TRIML1: variants seen among roughly 807,000 people sequenced by gnomAD.
TRIML1 encodes probable E3 ubiquitin-protein ligase TRIML1.
TRIML1 carries 34 observed loss-of-function variants against 32.3 expected under a neutral mutation model. That is an observed-to-expected ratio of 1.05 (90% CI 0.80 to 1.40). The LOEUF is 1.40. Ranked by LOEUF, TRIML1 falls within the 40% of genes most tolerant of loss-of-function variation. The pLI is 0.00. For missense variants in TRIML1, 595 were observed against 574.9 expected (o/e 1.03, Z -0.36); for synonymous variants, 244 against 226.6 (o/e 1.08, Z -0.69).
chr4:188,143,878 G>A lies in TRIML1; in HGVS notation c.758+18G>A, dbSNP rs1378329824. 4.3e-6 allele frequency: 7 copies of A among 1,614,172 alleles called. No individual in the cohort carries two copies. The highest frequency in any genetic ancestry group is 5.9e-6 in the Non-Finnish European group (7 of 1,180,002). On this transcript the variant is annotated intron_variant, in intron 4 of 5. Coordinates refer to ENST00000332517, the MANE Select transcript of TRIML1 (RefSeq NM_178556.5). Reference sequence around the variant, plus strand: ...CTGGAAAGGTAGGCTTTCATTCTGTGTTCAGTTATGCAAGCTGCGGGGCAG... The same window carrying A: ...CTGGAAAGGTAGGCTTTCATTCTGTATTCAGTTATGCAAGCTGCGGGGCAG...
At chr4:188,149,874 C>T (rs1055465791), downstream of TRIML1, among the ~76,000 whole-genome samples, 7 of 152,252 alleles carry the variant, frequency 4.6e-5, no homozygotes, top group South Asian at 1.5e-3. Context: ...GCCATCTTGG[C>T]TCACCGAAAC....
intron 4 of TRIML1, 26 bp from the exon 5 acceptor site, chr4:188,144,010 G>T: frequency 6.2e-7 from 1 of 1,612,692 alleles, no homozygotes. Context: ...CTGTGCCGAG[G>T]AGTGAACCTC....
chr4:188,142,135 AAG>A, intron 2 of TRIML1, 115 bp from the exon 3 acceptor site: 1 of 700,848 alleles, frequency 1.4e-6, no homozygotes, highest in African/African-American at 1.9e-5. Context: ...AAAAAAAAGA[AAG>A]AAAGAAACTC....
chr4:188,138,532 G>T (rs1382595959), upstream of TRIML1, among the ~76,000 whole-genome samples: 5 of 152,106 alleles, frequency 3.3e-5, no homozygotes, highest in Admixed American at 6.6e-5. Flanking sequence ...CCGAGCAGGG[G>T]ACACAGTGAA....
Position 188,142,333 on chromosome 4 carries a change from C to T in TRIML1, c.586C>T (p.Gln196Ter). 1 of 1,612,750 alleles carries T rather than the reference C, an allele frequency of 6.2e-7. No homozygotes were observed. The highest frequency in any genetic ancestry group is 8.5e-7 in the Non-Finnish European group (1 of 1,179,732). ...HQFLKEEEQL[Q>*]LQLLEQEEKE... ...GTTCCTGAAGGAAGAGGAGCAGCTG[C>T]AACTCCAGCTACTAGAACAGGAAGA... is the stretch of plus-strand genomic sequence containing the variant. Residue 196 changes from glutamine to a stop codon, truncating the protein, a stop_gained, in exon 3 of 6, where the codon CAA becomes TAA. Coordinates refer to ENST00000332517, the MANE Select transcript of TRIML1 (RefSeq NM_178556.5). LOFTEE classifies it high-confidence loss of function.
At position 188,147,215 on chromosome 4, in the gene TRIML1, A is replaced by T. The variant is rs1255425536; in HGVS notation, c.1250A>T (p.His417Leu). The T allele has an allele frequency of 1.9e-6, 3 of 1,613,130 alleles. No homozygotes were observed. In the African/African-American group the frequency reaches 4.0e-5, roughly 22 times the overall value. Reference protein sequence around the residue: ...VGVFLDYESGHIAFYNGTDES... With the variant: ...VGVFLDYESGLIAFYNGTDES... ...GTCTTCCTGGACTATGAATCTGGAC[A>T]TATAGCATTCTACAACGGGACGGAT... The change falls in exon 6 of 6, where the codon CAT (histidine) becomes CTT (leucine). Residue 417 changes from histidine (H) to leucine (L), a missense_variant. His to Leu is a moderately conservative substitution (Grantham distance 99, BLOSUM62 -3). Coordinates refer to ENST00000332517, the MANE Select transcript of TRIML1 (RefSeq NM_178556.5).
In TRIML1 at chr4:188,142,468, T is replaced by C; in HGVS notation, c.721T>C (p.Phe241Leu). The C allele has an allele frequency of 6.2e-7, 1 of 1,613,610 alleles. No individual in the cohort carries two copies. Among genetic ancestry groups the C allele is most frequent in the South Asian group, 1.1e-5 (1 of 91,038 alleles). Reference sequence around the variant, plus strand: ...TGAGTCCTCAAGTCAAAGCTCGGCTTTCGAATCTCTTGAGGTGAGAATAAC... The same window carrying C: ...TGAGTCCTCAAGTCAAAGCTCGGCTCTCGAATCTCTTGAGGTGAGAATAAC... ...QIESSSQSSA[F>L]ESLEEVRGAL... Residue 241 changes from phenylalanine (F) to leucine (L), a missense_variant, in exon 3 of 6, where the codon TTC becomes CTC. Transcript: ENST00000332517.
chr4:188,145,119 C>T (rs1238225022), intron 5 of TRIML1, among the ~76,000 whole-genome samples: 1 of 152,028 alleles, frequency 6.6e-6, no homozygotes, highest in Non-Finnish European at 1.5e-5. Flanking sequence ...ATGGTGGGAT[C>T]TGGTCTATAA....
At position 188,147,646 on chromosome 4, in the gene TRIML1, T is replaced by A; in HGVS notation, c.*274T>A. The A allele has an allele frequency of 6.1e-6, 2 of 326,632 alleles. No homozygotes were observed. Among genetic ancestry groups the A allele is most frequent in the Non-Finnish European group, 1.1e-5 (2 of 180,948 alleles). 20.2% of individuals were successfully genotyped at this position (326,632 alleles called of 1,614,324 possible). ...CCCATGTGTGTGCTGGTCACTCAAA[T>A]ATTGAGCCCCTATTACCATGAATCC... is the stretch of plus-strand genomic sequence containing the variant. On this transcript the variant is annotated 3_prime_UTR_variant, in exon 6 of 6. Transcript: ENST00000332517.
At chr4:188,146,031 T>C (rs1024395982) in intron 5 of TRIML1, among the ~76,000 whole-genome samples, 4 of 152,310 alleles carry the variant, frequency 2.6e-5, no homozygotes, top group South Asian at 2.1e-4. Context: ...TTCCTGAACC[T>C]GTTTTCTTTT....
chr4:188,148,725 C>A (rs574996979), downstream of TRIML1, among the ~76,000 whole-genome samples: 1 of 151,410 alleles, frequency 6.6e-6, no homozygotes, highest in African/African-American at 2.4e-5. Flanking sequence ...GCCTCAACTT[C>A]CCAAGTAGCT....
chr4:188,148,281 G>T (rs1215752254), downstream of TRIML1, among the ~76,000 whole-genome samples: 1 of 152,052 alleles, frequency 6.6e-6, no homozygotes, highest in Non-Finnish European at 1.5e-5. Context: ...ATTACCTGAG[G>T]TTGGGAGTTT....
downstream of TRIML1, among the ~76,000 whole-genome samples, chr4:188,149,309 C>A (rs926869867): frequency 2.0e-5 from 3 of 152,042 alleles, no homozygotes; most frequent in African/African-American, 7.2e-5. Flanking sequence ...TCTCATCTCT[C>A]AGATAAGCCA....
downstream of TRIML1, among the ~76,000 whole-genome samples, chr4:188,149,826 T>C (rs1364815665): frequency 2.6e-5 from 4 of 152,136 alleles, no homozygotes; most frequent in Non-Finnish European, 4.4e-5. Context: ...TTATTTGAGA[T>C]GGAGTCTGGC....
At chr4:188,145,471 A>AAAAAAAAAAAC (rs1735038763) in intron 5 of TRIML1, among the ~76,000 whole-genome samples, 1 of 37,018 alleles carries the variant, frequency 2.7e-5, no homozygotes, top group Non-Finnish European at 5.9e-5. Context: ...AAAAAAAAAA[A>AAAAAAAAAAAC]AAAAAGTCAG....
At chr4:188,137,665 C>T (rs1301572609), upstream of TRIML1, among the ~76,000 whole-genome samples, 4 of 151,298 alleles carry the variant, frequency 2.6e-5, no homozygotes, top group South Asian at 2.1e-4. Flanking sequence ...TTAGTAGAGA[C>T]GGAGTTTCTC....
intron 2 of TRIML1, among the ~76,000 whole-genome samples, chr4:188,141,115 T>C (rs1734835509): frequency 6.6e-6 from 1 of 151,352 alleles, no homozygotes; most frequent in African/African-American, 2.4e-5. Context: ...TATCAAATTA[T>C]ATATTTTTTA....
At chr4:188,138,771 G>A (rs997090713), upstream of TRIML1, among the ~76,000 whole-genome samples, 2 of 72,928 alleles carry the variant, frequency 2.7e-5, no homozygotes, top group African/African-American at 6.9e-5. Flanking sequence ...TCCATAGTGG[G>A]ATAGCCTCTT....
intron 5 of TRIML1, 151 bp downstream of exon 5, chr4:188,144,284 A>G (rs908326542): frequency 1.4e-5 from 9 of 640,212 alleles, no homozygotes; most frequent in Non-Finnish European, 2.5e-5. Flanking sequence ...GGGGCCACAG[A>G]CCGTCTCTGA....
Sources: allele counts gnomAD v4.1 joint callset (sites outside exome capture counted in the v4.1 genomes callset), GRCh38; gene constraint gnomAD v4.1.1; transcripts MANE v1.5; gene names NCBI Gene and HGNC (gene_info 2026-07-23, HGNC 2026-07-21).